The following KCNQ3 variants were observed in gnomAD, a reference collection of about 807,000 sequenced individuals.
The protein encoded by KCNQ3 is potassium voltage-gated channel subfamily KQT member 3.
KCNQ3 carries 30 observed loss-of-function variants against 92.5 expected under a neutral mutation model. The observed-to-expected ratio is 0.32, with a 90% confidence interval of 0.24 to 0.44. The LOEUF (loss-of-function observed/expected upper bound fraction) is 0.44, where lower values mean the gene tolerates loss of function less well. Among genes scored for constraint, KCNQ3 ranks in the 20% least tolerant of loss-of-function variants. The pLI is 1.00. For missense variants in KCNQ3, 913 were observed against 1,140.3 expected (o/e 0.80, Z 2.87); for synonymous variants, 450 against 468.8 (o/e 0.96, Z 0.52).
intron 1 of KCNQ3, among the ~76,000 whole-genome samples, chr8:132,279,864 G>GTA (rs1816460490): frequency 6.6e-6 from 1 of 151,958 alleles, no homozygotes; most frequent in South Asian, 2.1e-4. Context: ...GTGTGTGTGT[G>GTA]TGTGTGTATA....
At chr8:132,279,102 C>T (rs1816431314) in intron 1 of KCNQ3, among the ~76,000 whole-genome samples, 1 of 151,950 alleles carries the variant, frequency 6.6e-6, no homozygotes, top group African/African-American at 2.4e-5. Flanking sequence ...ACCTGTAATC[C>T]CACTACTCAG....
At chr8:132,441,288 C>T (rs1306758825) in intron 1 of KCNQ3, among the ~76,000 whole-genome samples, 3 of 152,210 alleles carry the variant, frequency 2.0e-5, no homozygotes, top group Non-Finnish European at 2.9e-5. Flanking sequence ...CAGTGGCTCA[C>T]GCCTGTAATC....
At chr8:132,302,233 C>T (rs75202805) in intron 1 of KCNQ3, among the ~76,000 whole-genome samples, 5,015 of 152,240 alleles carry the variant, frequency 0.033, 130 homozygotes, top group Non-Finnish European at 0.049. Flanking sequence ...AAAGACCTGC[C>T]AGTAATGACC....
chr8:132,228,297 T>A (rs1586845725), intron 1 of KCNQ3, among the ~76,000 whole-genome samples: 1 of 152,164 alleles, frequency 6.6e-6, no homozygotes, highest in South Asian at 2.1e-4. Flanking sequence ...TTAAGCAGTA[T>A]GGACAGAAAG....
chr8:132,154,127 G>A (rs1825719700), intron 9 of KCNQ3, among the ~76,000 whole-genome samples: 1 of 150,832 alleles, frequency 6.6e-6, no homozygotes, highest in South Asian at 2.1e-4. Context: ...CCTTAAGCTG[G>A]TTGGCTTAGG....
intron 1 of KCNQ3, among the ~76,000 whole-genome samples, chr8:132,325,373 C>T (rs1022849424): frequency 6.6e-6 from 1 of 152,122 alleles, no homozygotes; most frequent in African/African-American, 2.4e-5. Context: ...CCTTGATCCA[C>T]ACCTGAGAAA....
At chr8:132,376,705 T>G (rs1004407218) in intron 1 of KCNQ3, among the ~76,000 whole-genome samples, 2 of 152,240 alleles carry the variant, frequency 1.3e-5, no homozygotes, top group African/African-American at 4.8e-5. Flanking sequence ...GGCCAGTTGT[T>G]TTGATATCTA....
At chr8:132,247,981 C>T (rs1250427393) in intron 1 of KCNQ3, among the ~76,000 whole-genome samples, 1 of 135,232 alleles carries the variant, frequency 7.4e-6, no homozygotes, top group Non-Finnish European at 1.6e-5. Context: ...TATTATTATC[C>T]CTATAGTATA....
At chr8:132,397,335 G>C (rs1012310141) in intron 1 of KCNQ3, among the ~76,000 whole-genome samples, 6 of 152,064 alleles carry the variant, frequency 3.9e-5, no homozygotes, top group African/African-American at 1.4e-4. Context: ...CTTTCCAGTT[G>C]GGTGGAAAGA....
chr8:132,314,623 GC>G (rs1286942277), intron 1 of KCNQ3, among the ~76,000 whole-genome samples: 3 of 152,170 alleles, frequency 2.0e-5, no homozygotes, highest in Non-Finnish European at 4.4e-5. Context: ...TTGAGTAGAG[GC>G]AATAAAGTAG....
At chr8:132,138,387 A>C (rs1037280815) in intron 11 of KCNQ3, among the ~76,000 whole-genome samples, 1 of 152,170 alleles carries the variant, frequency 6.6e-6, no homozygotes, top group Non-Finnish European at 1.5e-5. Context: ...TCCCAGGGCC[A>C]TATAGCTAAT....
Position 132,134,399 on chromosome 8 carries a change from C to G in KCNQ3, c.1701-11G>C, listed in dbSNP as rs1472471412. 6.4e-7 allele frequency: 1 copy of G among 1,560,384 alleles called. No individual in the cohort carries two copies. The highest frequency in any genetic ancestry group is 2.2e-5 in the East Asian group (1 of 44,584). ...AAAATCATATCTATTCTGAAAGAAA[C>G]AAACAGAGCAGGGATTAAATTACAC... On this transcript the variant is annotated splice_polypyrimidine_tract_variant and intron_variant, in intron 12 of 14. Transcript: ENST00000388996.
At chr8:132,317,962 A>G (rs908031102) in intron 1 of KCNQ3, among the ~76,000 whole-genome samples, 1 of 152,220 alleles carries the variant, frequency 6.6e-6, no homozygotes, top group Non-Finnish European at 1.5e-5. Flanking sequence ...CCAAGCAGTA[A>G]AACAGCAGTG....
intron 1 of KCNQ3, among the ~76,000 whole-genome samples, chr8:132,304,199 G>C (rs986686344): frequency 6.6e-6 from 1 of 152,138 alleles, no homozygotes; most frequent in South Asian, 2.1e-4. Context: ...TATTGGGTAC[G>C]ATGTACACTA....
At chr8:132,356,000 C>T (rs1211075046) in intron 1 of KCNQ3, among the ~76,000 whole-genome samples, 2 of 152,176 alleles carry the variant, frequency 1.3e-5, no homozygotes, top group African/African-American at 2.4e-5. Context: ...AGGCCAGGCT[C>T]ACCTGAGTGT....
chr8:132,446,161 G>A (rs1382813506), intron 1 of KCNQ3, among the ~76,000 whole-genome samples: 1 of 152,128 alleles, frequency 6.6e-6, no homozygotes, highest in African/African-American at 2.4e-5. Context: ...TGACCTCCTG[G>A]TACATGTTTA....
At chr8:132,174,000 C>T (rs1478382310) in intron 6 of KCNQ3, among the ~76,000 whole-genome samples, 1 of 152,088 alleles carries the variant, frequency 6.6e-6, no homozygotes, top group Non-Finnish European at 1.5e-5. Context: ...ATGCCCAGAG[C>T]GACTAGCTCA....
At chr8:132,463,597 T>TC (rs1462350621) in intron 1 of KCNQ3, among the ~76,000 whole-genome samples, 4 of 152,144 alleles carry the variant, frequency 2.6e-5, no homozygotes, top group Non-Finnish European at 4.4e-5. Context: ...GGTCGTGTGG[T>TC]CTAGGCAAGT....
At chr8:132,157,292 T>C (rs1389800548) in intron 9 of KCNQ3, among the ~76,000 whole-genome samples, 1 of 152,172 alleles carries the variant, frequency 6.6e-6, no homozygotes, top group Non-Finnish European at 1.5e-5. Flanking sequence ...ACATGAACCA[T>C]AAGGAGGACC....
Sources: allele counts gnomAD v4.1 joint callset (sites outside exome capture counted in the v4.1 genomes callset), GRCh38; gene constraint gnomAD v4.1.1; transcripts MANE v1.5; gene names NCBI Gene and HGNC (gene_info 2026-07-23, HGNC 2026-07-21).